The following HS3ST5 variants were observed in gnomAD, a reference collection of about 807,000 sequenced individuals.
HS3ST5 encodes the protein heparan sulfate glucosamine 3-O-sulfotransferase 5.
In HS3ST5, 10 loss-of-function variants were observed where a neutral mutation model predicts 25.4. That is an observed-to-expected ratio of 0.39 (90% CI 0.24 to 0.67). The LOEUF (loss-of-function observed/expected upper bound fraction) is 0.67. HS3ST5 is among the 30% of genes least tolerant of loss of function. The pLI, the probability that HS3ST5 is intolerant of heterozygous loss-of-function variation, is 0.44. For synonymous variants in HS3ST5, 170 were observed against 162.4 expected, an observed-to-expected ratio of 1.05 and a Z score of -0.36; for missense variants, 324 against 420.7, an observed-to-expected ratio of 0.77 and a Z score of 2.01.
chr6:114,256,104 A>G (rs1201626654), intron 1 of HS3ST5, among the ~76,000 whole-genome samples: 2 of 152,170 alleles, frequency 1.3e-5, no homozygotes, highest in African/African-American at 4.8e-5. Flanking sequence ...AATATTTCAC[A>G]GTGGCCAGGT....
At chr6:114,062,163 C>T (rs1414068942) in intron 4 of HS3ST5, among the ~76,000 whole-genome samples, 1 of 152,094 alleles carries the variant, frequency 6.6e-6, no homozygotes, top group Non-Finnish European at 1.5e-5. Context: ...CATGGATTTC[C>T]CATTGCTTTC....
At chr6:114,244,248 T>C (rs1204172321) in intron 1 of HS3ST5, among the ~76,000 whole-genome samples, 1 of 152,156 alleles carries the variant, frequency 6.6e-6, no homozygotes, top group Non-Finnish European at 1.5e-5. Flanking sequence ...CTCTCTTAGA[T>C]TGGTGTTTGT....
intron 2 of HS3ST5, among the ~76,000 whole-genome samples, chr6:114,219,746 A>G (rs1781941342): frequency 6.6e-6 from 1 of 152,162 alleles, no homozygotes. Flanking sequence ...ATGTAGTTTT[A>G]AACTGTGATT....
chr6:114,179,649 T>A (rs975200067), intron 2 of HS3ST5, among the ~76,000 whole-genome samples: 1 of 129,484 alleles, frequency 7.7e-6, no homozygotes, highest in Non-Finnish European at 1.6e-5. Context: ...CTTGTATTAG[T>A]CAGGGTTTTT....
chr6:114,334,126 A>G (rs1181790072), intron 1 of HS3ST5, among the ~76,000 whole-genome samples: 1 of 152,206 alleles, frequency 6.6e-6, no homozygotes, highest in Non-Finnish European at 1.5e-5. Context: ...TACCACGGAA[A>G]TAGGGATGAA....
At chr6:114,220,549 T>C (rs1392338841) in intron 2 of HS3ST5, 1 of 152,026 alleles carries the variant, frequency 6.6e-6, no homozygotes, top group East Asian at 1.9e-4. Context: ...CTTTACTACT[T>C]AGTATTTTCT....
At chr6:114,144,462 A>G (rs1050049707) in intron 3 of HS3ST5, among the ~76,000 whole-genome samples, 4 of 152,232 alleles carry the variant, frequency 2.6e-5, no homozygotes, top group African/African-American at 7.2e-5. Flanking sequence ...ACGGTCTTTG[A>G]TAAGTTGCAT....
intron 1 of HS3ST5, among the ~76,000 whole-genome samples, chr6:114,246,712 G>A (rs1314920142): frequency 1.3e-5 from 2 of 152,136 alleles, no homozygotes; most frequent in African/African-American, 4.8e-5. Flanking sequence ...TTATATTGGC[G>A]CGTTTGTTTA....
At chr6:114,311,434 AC>A (rs1775526209) in intron 1 of HS3ST5, among the ~76,000 whole-genome samples, 1 of 152,038 alleles carries the variant, frequency 6.6e-6, no homozygotes, top group African/African-American at 2.4e-5. Context: ...CTCAACTTTT[AC>A]AAACAAACAT....
At chr6:114,213,092 G>T (rs1429537358) in intron 2 of HS3ST5, among the ~76,000 whole-genome samples, 1 of 152,044 alleles carries the variant, frequency 6.6e-6, no homozygotes, top group African/African-American at 2.4e-5. Flanking sequence ...GGCTCTCAGC[G>T]GGATGGAGAG....
At position 114,186,717 on chromosome 6, in the gene HS3ST5, A is replaced by C. The variant is rs186539795; in HGVS notation, c.-144-18255T>G. ...AATAAATTTTAAATGTAGACAAGAC[A>C]ACCTTCTATTGGAAAAAGATGCCAT... On this transcript the variant is annotated intron_variant, in intron 2 of 4. Coordinates refer to ENST00000312719, the MANE Select transcript of HS3ST5 (RefSeq NM_153612.4). 3.6e-3 allele frequency among the ~76,000 whole-genome samples: 554 copies of C among 152,374 alleles called. 7 individuals carry two copies. The highest frequency in any genetic ancestry group is 2.9e-3 in the Non-Finnish European group (199 of 68,030).
chr6:114,136,519 C>G (rs1777622715), intron 3 of HS3ST5, among the ~76,000 whole-genome samples: 1 of 152,182 alleles, frequency 6.6e-6, no homozygotes. Flanking sequence ...TGAGAACAGA[C>G]TAATACACCC....
At chr6:114,134,962 C>A (rs1777520928) in intron 3 of HS3ST5, among the ~76,000 whole-genome samples, 1 of 152,212 alleles carries the variant, frequency 6.6e-6, no homozygotes, top group South Asian at 2.1e-4. Flanking sequence ...AAGGGTTGCA[C>A]AGGGTAAGGA....
At chr6:114,137,495 T>G (rs1171331338) in intron 3 of HS3ST5, among the ~76,000 whole-genome samples, 2 of 152,160 alleles carry the variant, frequency 1.3e-5, no homozygotes, top group Admixed American at 1.3e-4. Context: ...TCTGCTAAAT[T>G]GAAATAGTTA....
intron 2 of HS3ST5, among the ~76,000 whole-genome samples, chr6:114,184,912 A>C (rs1179231159): frequency 6.6e-6 from 1 of 152,248 alleles, no homozygotes; most frequent in Non-Finnish European, 1.5e-5. Flanking sequence ...CTGTCTTTTG[A>C]AATGGGAATG....
At chr6:114,306,603 C>T (rs946473870) in intron 1 of HS3ST5, among the ~76,000 whole-genome samples, 3 of 151,910 alleles carry the variant, frequency 2.0e-5, no homozygotes, top group Non-Finnish European at 4.4e-5. Flanking sequence ...AGACTAAAAA[C>T]ATTCTCAATA....
At chr6:114,198,250 CT>C (rs990052466) in intron 2 of HS3ST5, among the ~76,000 whole-genome samples, 4 of 151,746 alleles carry the variant, frequency 2.6e-5, no homozygotes, top group African/African-American at 9.7e-5. Context: ...AAAAAGGAAT[CT>C]TTAAAAAATG....
intron 1 of HS3ST5, among the ~76,000 whole-genome samples, chr6:114,273,111 A>G (rs901849697): frequency 6.6e-6 from 1 of 152,100 alleles, no homozygotes; most frequent in African/African-American, 2.4e-5. Flanking sequence ...AGGAAAGGAC[A>G]AAGAAAGATA....
intron 1 of HS3ST5, chr6:114,340,857 T>C (rs150669788): frequency 2.6e-4 from 40 of 152,290 alleles, no homozygotes; most frequent in African/African-American, 8.7e-4. Context: ...CTGAAATATG[T>C]AGAAACTACT....
Sources: gnomAD v4.1 joint callset for allele counts (sites outside exome capture counted in the v4.1 genomes callset) on GRCh38, gnomAD v4.1.1 for gene constraint, MANE v1.5 for transcripts, NCBI Gene and HGNC (gene_info 2026-07-23, HGNC 2026-07-21) for gene names.